Variants in ACADSB observed in about 807,000 individuals in gnomAD.
ACADSB encodes the protein short/branched chain specific acyl-CoA dehydrogenase, mitochondrial.
A neutral mutation model predicts 54.1 loss-of-function variants in ACADSB; 40 were observed. That is an observed-to-expected ratio of 0.74 (90% CI 0.57 to 0.96). ACADSB has a LOEUF of 0.96. ACADSB is among the 40% of genes least tolerant of loss of function. The probability of loss-of-function intolerance (pLI) is 0.00; values close to 1 mark genes in which losing one functional copy is unlikely to be tolerated. For synonymous variants in ACADSB, 182 were observed against 182.8 expected (o/e 1.00, Z 0.03); for missense variants, 530 against 510.4 (o/e 1.04, Z -0.37).
intron 1 of ACADSB, among the ~76,000 whole-genome samples, chr10:123,023,179 T>C (rs905159581): frequency 2.0e-5 from 3 of 152,220 alleles, no homozygotes; most frequent in Non-Finnish European, 4.4e-5. Context: ...ACGAAGATCA[T>C]TTTGTTTTGG....
chr10:123,042,684 G>C (rs1850491152), intron 5 of ACADSB, among the ~76,000 whole-genome samples: 1 of 151,722 alleles, frequency 6.6e-6, no homozygotes, highest in Non-Finnish European at 1.5e-5. Flanking sequence ...CTGACCTCAG[G>C]TAATCCGCCC....
rs1850713929 is a variant in ACADSB at position 123,056,733 on chromosome 10, T to C, written c.*2968T>C. On this transcript the variant is annotated 3_prime_UTR_variant, in exon 11 of 11. Coordinates refer to ENST00000358776, the MANE Select transcript of ACADSB (RefSeq NM_001609.4). ...AATCATTACTGTTATATGAGAAACA[T>C]TTTAGTAATTTAATAAAAGGATAAT... 2 of 152,246 alleles carry C rather than the reference T, an allele frequency of 1.3e-5. No individual in the cohort carries two copies. Among genetic ancestry groups the C allele is most frequent in the Admixed American group, 6.5e-5 (1 of 15,282 alleles). 9.4% of individuals were successfully genotyped at this position (152,246 alleles called of 1,614,324 possible). A position where few individuals can be genotyped will look rare whatever the true frequency, so the allele number is the denominator to read the frequency against.
chr10:123,050,982 G>T, intron 8 of ACADSB, 67 bp from the exon 9 acceptor site: 1 of 1,558,318 alleles, frequency 6.4e-7, no homozygotes, highest in Non-Finnish European at 8.8e-7. Context: ...ATCTAGGCAG[G>T]ACTTTGAGGT....
Position 123,034,523 on chromosome 10 carries a change from A to C in ACADSB, c.202+8A>C, listed in dbSNP as rs1202469446. The C allele has an allele frequency of 1.2e-6, 2 of 1,604,470 alleles. No individual in the cohort carries two copies. The highest frequency in any genetic ancestry group is 1.7e-5 in the Admixed American group (1 of 60,010). On this transcript the variant is annotated splice_region_variant and intron_variant, in intron 2 of 10. Transcript: ENST00000358776. Reference sequence around the variant, plus strand: ...TGATGATAAAGAGTTCAGGTAAGTAAATTTATCAGTGTCACCTTTTTCTCC... The same window carrying C: ...TGATGATAAAGAGTTCAGGTAAGTACATTTATCAGTGTCACCTTTTTCTCC...
Position 123,031,598 on chromosome 10 carries a change from A to C in ACADSB, c.43-2758A>C, listed in dbSNP as rs191437840. Among the ~76,000 whole-genome samples, 3 of 152,336 alleles carry C rather than the reference A, an allele frequency of 2.0e-5. No homozygotes were observed. The East Asian group carries it at 5.8e-4, about 29-fold the overall frequency. ...TCAGGCTGTGCAGTCAAAGGCCAGG[A>C]AAAGAAAAGCTTCTTTTATTAAAGA... On this transcript the variant is annotated intron_variant, in intron 1 of 10. Coordinates refer to ENST00000358776, the MANE Select transcript of ACADSB (RefSeq NM_001609.4).
intron 1 of ACADSB, among the ~76,000 whole-genome samples, chr10:123,017,962 C>T (rs1270106655): frequency 3.3e-5 from 5 of 152,158 alleles, no homozygotes; most frequent in African/African-American, 4.8e-5. Flanking sequence ...TCCAGGTAGC[C>T]GACTTCAGAG....
rs1351457256 is a variant in ACADSB at position 123,053,972 on chromosome 10, A to C, written c.*207A>C. On this transcript the variant is annotated 3_prime_UTR_variant, in exon 11 of 11. Transcript: ENST00000358776. ...CTTAGGCACAGGAGATCCACTTTTAAACTTGGGAAATAAGCACCTGTATTT... is the reference window on the plus strand; with the variant it reads ...CTTAGGCACAGGAGATCCACTTTTACACTTGGGAAATAAGCACCTGTATTT... 3.3e-6 allele frequency: 2 copies of C among 610,492 alleles called. No individual in the cohort carries two copies. The highest frequency in any genetic ancestry group is 2.8e-5 in the East Asian group (1 of 36,256). The allele number at this position is 610,492 out of a possible 1,614,324, so 37.8% of individuals were successfully genotyped here.
chr10:123,050,842 T>C (rs1850620783), intron 8 of ACADSB, among the ~76,000 whole-genome samples: 1 of 152,222 alleles, frequency 6.6e-6, no homozygotes, highest in South Asian at 2.1e-4. Context: ...CTTTGAAGTT[T>C]TTCTAGGAAA....
At chr10:123,010,637 G>A (rs537573926) in intron 1 of ACADSB, among the ~76,000 whole-genome samples, 23 of 152,182 alleles carry the variant, frequency 1.5e-4, no homozygotes, top group Middle Eastern at 3.4e-3. Context: ...ATAATTGTGC[G>A]TATTCCAAAA....
At chr10:123,017,156 A>T (rs540196604) in intron 1 of ACADSB, among the ~76,000 whole-genome samples, 3 of 151,842 alleles carry the variant, frequency 2.0e-5, no homozygotes, top group South Asian at 2.1e-4. Context: ...TTATGTGATT[A>T]AAAAAAAATT....
chr10:123,031,370 C>A (rs2133471136), intron 1 of ACADSB, among the ~76,000 whole-genome samples: 1 of 152,346 alleles, frequency 6.6e-6, no homozygotes, highest in African/African-American at 2.4e-5. Flanking sequence ...AGATCAGACT[C>A]AAGCTCTGGA....
rs1431075945 is a variant in ACADSB at position 123,034,371 on chromosome 10, C to G, written c.58C>G (p.Leu20Val). 6.2e-7 allele frequency: 1 copy of G among 1,613,700 alleles called. No homozygotes were observed. Among genetic ancestry groups the G allele is most frequent in the Non-Finnish European group, 8.5e-7 (1 of 1,179,968 alleles). The change falls in exon 2 of 11, where the codon CTG becomes GTG. Residue 20 changes from leucine (L) to valine (V), a missense_variant. Physicochemically the swap from Leu to Val is conservative, Grantham distance 32 (BLOSUM62 1). Transcript: ENST00000358776. Reference sequence around the variant, plus strand: ...TTCCCTACAGCTAAGAAGAAATTTCCTGACTTGTTTGTCTTCTTGGAAGAT... The same window carrying G: ...TTCCCTACAGCTAAGAAGAAATTTCGTGACTTGTTTGTCTTCTTGGAAGAT... ...RGSRLLRRNF[L>V]TCLSSWKIPP...
At chr10:123,027,794 G>A (rs1850275425) in intron 1 of ACADSB, among the ~76,000 whole-genome samples, 1 of 152,176 alleles carries the variant, frequency 6.6e-6, no homozygotes, top group Admixed American at 6.5e-5. Flanking sequence ...AACAAGTTAA[G>A]GAGAACACTG....
At chr10:123,016,464 C>A (rs1464163080) in intron 1 of ACADSB, among the ~76,000 whole-genome samples, 3 of 152,218 alleles carry the variant, frequency 2.0e-5, no homozygotes, top group Admixed American at 2.0e-4. Flanking sequence ...TTGCCCAAGA[C>A]GCAGCTACTG....
chr10:123,013,642 C>T (rs923862287), intron 1 of ACADSB, among the ~76,000 whole-genome samples: 10 of 152,212 alleles, frequency 6.6e-5, no homozygotes, highest in Non-Finnish European at 1.5e-4. Context: ...GGTCCCGGGG[C>T]CTGCCCCGCG....
chr10:123,022,899 AT>A (rs1647499548), intron 1 of ACADSB, among the ~76,000 whole-genome samples: 1 of 152,238 alleles, frequency 6.6e-6, no homozygotes, highest in Non-Finnish European at 1.5e-5. Context: ...TAAGATTTTA[AT>A]TTACACAAAA....
chr10:123,027,310 A>G (rs559837107), intron 1 of ACADSB, among the ~76,000 whole-genome samples: 50 of 152,338 alleles, frequency 3.3e-4, no homozygotes, highest in Non-Finnish European at 6.5e-4. Context: ...CAAGTGATAC[A>G]GCTATGCAGC....
At chr10:123,025,351 C>A (rs1422778763) in intron 1 of ACADSB, among the ~76,000 whole-genome samples, 1 of 151,962 alleles carries the variant, frequency 6.6e-6, no homozygotes, top group Non-Finnish European at 1.5e-5. Context: ...ATAGTCCCAG[C>A]TACTTGGAAG....
At chr10:123,017,624 G>A (rs1419043433) in intron 1 of ACADSB, among the ~76,000 whole-genome samples, 2 of 152,198 alleles carry the variant, frequency 1.3e-5, no homozygotes, top group Non-Finnish European at 2.9e-5. Context: ...GGTGGACACA[G>A]TTTCTAATGG....
Sources: allele counts gnomAD v4.1 joint callset (sites outside exome capture counted in the v4.1 genomes callset), GRCh38; gene constraint gnomAD v4.1.1; transcripts MANE v1.5; gene names NCBI Gene and HGNC (gene_info 2026-07-23, HGNC 2026-07-21).